The following OPCML variants were observed in gnomAD, a reference collection of about 807,000 sequenced individuals.
The protein encoded by OPCML is opioid binding protein/cell adhesion molecule like, also known as opioid-binding protein/cell adhesion molecule.
OPCML carries 13 observed loss-of-function variants against 37.8 expected under a neutral mutation model. That is an observed-to-expected ratio of 0.34 (90% CI 0.22 to 0.55). The LOEUF (loss-of-function observed/expected upper bound fraction) is 0.55, where lower values mean the gene tolerates loss of function less well. OPCML is among the 20% of genes least tolerant of loss of function. The pLI is 0.91. For missense variants in OPCML, 341 were observed against 435.6 expected (o/e 0.78, Z 1.93); for synonymous variants, 176 against 168.8 (o/e 1.04, Z -0.33).
chr11:133,518,214 AGTGTGTGGGGGG>A (rs1475234553), intron 1 of OPCML, among the ~76,000 whole-genome samples: 2 of 149,850 alleles, frequency 1.3e-5, no homozygotes, highest in Non-Finnish European at 3.0e-5. Flanking sequence ...AGCGTGTATA[AGTGTGTGGGGGG>A]GTGTGTTTGT....
chr11:132,471,548 G>T (rs1315010641), intron 4 of OPCML, among the ~76,000 whole-genome samples: 2 of 152,198 alleles, frequency 1.3e-5, no homozygotes, highest in African/African-American at 2.4e-5. Context: ...CCTGATTCAA[G>T]TTGGCTCACT....
chr11:132,756,740 C>T (rs1331630253), intron 2 of OPCML, among the ~76,000 whole-genome samples: 1 of 152,096 alleles, frequency 6.6e-6, no homozygotes, highest in Admixed American at 6.6e-5. Context: ...TTATAGAATG[C>T]CGTACTAAGA....
chr11:132,852,119 A>G (rs1591703288), intron 2 of OPCML, among the ~76,000 whole-genome samples: 1 of 152,184 alleles, frequency 6.6e-6, no homozygotes. Context: ...AAATCTGTAC[A>G]AACAGACCTT....
At chr11:132,464,137 G>A (rs1208055222) in intron 4 of OPCML, among the ~76,000 whole-genome samples, 3 of 152,154 alleles carry the variant, frequency 2.0e-5, no homozygotes, top group African/African-American at 7.2e-5. Flanking sequence ...AGCAGATGGA[G>A]AAGATTTCCC....
chr11:132,807,334 C>T (rs747034980), intron 2 of OPCML, among the ~76,000 whole-genome samples: 2 of 152,082 alleles, frequency 1.3e-5, no homozygotes, highest in African/African-American at 4.8e-5. Context: ...AAACATGAGT[C>T]TATCACTAGA....
chr11:133,373,448 T>TACAC (rs1555147606), intron 1 of OPCML, among the ~76,000 whole-genome samples: 2 of 132,180 alleles, frequency 1.5e-5, no homozygotes, highest in African/African-American at 3.1e-5. Flanking sequence ...TATATATATA[T>TACAC]ACACACACAC....
intron 3 of OPCML, among the ~76,000 whole-genome samples, chr11:132,605,308 AG>A (rs1938209649): frequency 6.6e-6 from 1 of 152,218 alleles, no homozygotes; most frequent in Admixed American, 6.5e-5. Context: ...CTGTAATCCT[AG>A]CACTTTGGGA....
At chr11:133,315,079 T>C (rs954360807) in intron 1 of OPCML, among the ~76,000 whole-genome samples, 11 of 152,162 alleles carry the variant, frequency 7.2e-5, no homozygotes, top group African/African-American at 2.7e-4. Context: ...ATGAGGAGGT[T>C]TGCAAATTCA....
intron 1 of OPCML, among the ~76,000 whole-genome samples, chr11:133,217,082 C>T (rs528677556): frequency 6.7e-6 from 1 of 148,884 alleles, no homozygotes; most frequent in African/African-American, 2.4e-5. Context: ...TGGCTACACA[C>T]ATCTGCCCTC....
intron 1 of OPCML, among the ~76,000 whole-genome samples, chr11:133,108,388 T>A (rs1353198087): frequency 6.6e-6 from 1 of 152,184 alleles, no homozygotes; most frequent in Non-Finnish European, 1.5e-5. Flanking sequence ...GTCGTCAGAC[T>A]TTTGGTCTAA....
intron 2 of OPCML, among the ~76,000 whole-genome samples, chr11:132,729,036 A>G (rs530080489): frequency 6.6e-6 from 1 of 152,306 alleles, no homozygotes; most frequent in South Asian, 2.1e-4. Flanking sequence ...AAGGAAAAGG[A>G]AAGTGAACAA....
At chr11:132,484,445 T>G (rs1171055829) in intron 4 of OPCML, among the ~76,000 whole-genome samples, 1 of 152,122 alleles carries the variant, frequency 6.6e-6, no homozygotes, top group Non-Finnish European at 1.5e-5. Flanking sequence ...TGTGGAGAAA[T>G]AGGAACACTT....
chr11:132,563,113 A>G (rs2096414210), intron 3 of OPCML, among the ~76,000 whole-genome samples: 1 of 152,192 alleles, frequency 6.6e-6, no homozygotes, highest in South Asian at 2.1e-4. Flanking sequence ...CTGTTCATTA[A>G]GATAAATGCT....
At chr11:133,256,875 C>A (rs1236877457) in intron 1 of OPCML, among the ~76,000 whole-genome samples, 2 of 152,158 alleles carry the variant, frequency 1.3e-5, no homozygotes, top group African/African-American at 4.8e-5. Flanking sequence ...AAAAATTCCT[C>A]CAGGTAAATT....
intron 1 of OPCML, among the ~76,000 whole-genome samples, chr11:133,265,097 G>A (rs566623895): frequency 6.6e-6 from 1 of 152,294 alleles, no homozygotes; most frequent in East Asian, 1.9e-4. Context: ...TTCTGGAGGA[G>A]AGGGACATAG....
chr11:133,134,771 T>A (rs1949659758), intron 1 of OPCML, among the ~76,000 whole-genome samples: 1 of 152,120 alleles, frequency 6.6e-6, no homozygotes, highest in Non-Finnish European at 1.5e-5. Context: ...CTGTTCTCCC[T>A]GCACCCAAAG....
intron 3 of OPCML, among the ~76,000 whole-genome samples, chr11:132,651,620 G>T (rs1349487894): frequency 6.6e-6 from 1 of 152,154 alleles, no homozygotes; most frequent in Non-Finnish European, 1.5e-5. Flanking sequence ...CTGAGATAAC[G>T]TTTATACTTA....
chr11:132,904,214 T>G (rs1944157350), intron 2 of OPCML, among the ~76,000 whole-genome samples: 1 of 152,178 alleles, frequency 6.6e-6, no homozygotes, highest in African/African-American at 2.4e-5. Context: ...GAAACACTTT[T>G]CACCTATTTG....
At chr11:132,541,808 T>C (rs911443899) in intron 3 of OPCML, among the ~76,000 whole-genome samples, 6 of 152,180 alleles carry the variant, frequency 3.9e-5, no homozygotes, top group Admixed American at 6.5e-5. Context: ...GGTGATCCAA[T>C]GTGCCTGGCT....
Sources: allele counts gnomAD v4.1 joint callset (sites outside exome capture counted in the v4.1 genomes callset), GRCh38; gene constraint gnomAD v4.1.1; transcripts MANE v1.5; gene names NCBI Gene and HGNC (gene_info 2026-07-23, HGNC 2026-07-21).